The following GHR variants were observed in gnomAD, a reference collection of about 807,000 sequenced individuals.
GHR encodes GH receptor.
A neutral mutation model predicts 67.1 loss-of-function variants in GHR; 35 were observed. The ratio of observed to expected loss-of-function variants is 0.52; its 90% confidence interval spans 0.40 to 0.69. The LOEUF is 0.69. GHR is among the 30% of genes least tolerant of loss of function. The pLI, the probability that GHR is intolerant of heterozygous loss-of-function variation, is 0.00. For missense variants in GHR, 792 were observed against 764.6 expected, an observed-to-expected ratio of 1.04 and a Z score of -0.42; for synonymous variants, 272 against 269.1, an observed-to-expected ratio of 1.01 and a Z score of -0.10.
At chr5:42,607,095 C>T (rs1217143822) in intron 2 of GHR, among the ~76,000 whole-genome samples, 17 of 152,142 alleles carry the variant, frequency 1.1e-4, no homozygotes, top group Non-Finnish European at 1.5e-5. Context: ...TCCCCCTTTG[C>T]TCACTTTCCC....
At chr5:42,689,513 C>T (rs1757321193) in intron 4 of GHR, among the ~76,000 whole-genome samples, 1 of 152,076 alleles carries the variant, frequency 6.6e-6, no homozygotes, top group Non-Finnish European at 1.5e-5. Flanking sequence ...TAGGAGGCCT[C>T]TCTATTGTGG....
At chr5:42,673,002 A>G (rs1048542994) in intron 3 of GHR, among the ~76,000 whole-genome samples, 1 of 152,288 alleles carries the variant, frequency 6.6e-6, no homozygotes, top group African/African-American at 2.4e-5. Flanking sequence ...GAAAATCTTC[A>G]CAAACTGTGC....
chr5:42,646,871 C>A (rs1306173362), intron 3 of GHR, among the ~76,000 whole-genome samples: 3 of 152,144 alleles, frequency 2.0e-5, no homozygotes, highest in Non-Finnish European at 4.4e-5. Context: ...GACTGGGAAT[C>A]GTGACTTGCA....
chr5:42,633,997 CCT>C (rs1418947943), intron 3 of GHR, among the ~76,000 whole-genome samples: 1 of 152,088 alleles, frequency 6.6e-6, no homozygotes, highest in Non-Finnish European at 1.5e-5. Context: ...GCCTTTTTTT[CCT>C]CTCTCGCAAG....
rs74325290 is a variant in GHR, at chr5:42,658,595, A to T, written c.136+29492A>T. Reference sequence around the variant, plus strand: ...ATCAGAGCATCTGCAATTGAGCTTTATAAAGTGAATTATAATTCTCATACC... The same window carrying T: ...ATCAGAGCATCTGCAATTGAGCTTTTTAAAGTGAATTATAATTCTCATACC... On this transcript the variant is annotated intron_variant, in intron 3 of 9. Transcript: ENST00000230882. 5.2e-3 allele frequency among the ~76,000 whole-genome samples: 794 copies of T among 152,332 alleles called. 3 individuals are homozygous for T. Among genetic ancestry groups the T allele is most frequent in the African/African-American group, 0.019 (771 of 41,570 alleles).
chr5:42,711,927 G>A (rs1420787420), intron 7 of GHR, among the ~76,000 whole-genome samples: 2 of 152,040 alleles, frequency 1.3e-5, no homozygotes, highest in African/African-American at 2.4e-5. Context: ...AGGAGACGTG[G>A]AACATTTGAA....
chr5:42,591,244 G>A (rs1254527439), intron 2 of GHR, among the ~76,000 whole-genome samples: 1 of 152,208 alleles, frequency 6.6e-6, no homozygotes, highest in African/African-American at 2.4e-5. Context: ...ATAATGCCCA[G>A]AAATGGGGCA....
At chr5:42,467,582 A>G (rs1744790907) in intron 1 of GHR, 3 of 1,585,774 alleles carry the variant, frequency 1.9e-6, no homozygotes, top group Non-Finnish European at 2.6e-6. Flanking sequence ...TTTTTTTGAT[A>G]TACAGTCAGA....
chr5:42,518,600 C>A (rs562810240), intron 1 of GHR, among the ~76,000 whole-genome samples: 4 of 152,204 alleles, frequency 2.6e-5, no homozygotes, highest in Non-Finnish European at 4.4e-5. Context: ...AGTGCCCAAC[C>A]TCTCTGTTCA....
chr5:42,488,425 C>T (rs375787178), intron 1 of GHR, among the ~76,000 whole-genome samples: 5 of 152,142 alleles, frequency 3.3e-5, no homozygotes, highest in South Asian at 4.1e-4. Flanking sequence ...CTATGCTATG[C>T]GCACAATTAC....
intron 1 of GHR, among the ~76,000 whole-genome samples, chr5:42,428,940 T>G (rs980953071): frequency 1.3e-5 from 2 of 152,208 alleles, no homozygotes; most frequent in African/African-American, 4.8e-5. Flanking sequence ...TCCTGTCTTC[T>G]TTTGAGCCCT....
intron 1 of GHR, among the ~76,000 whole-genome samples, chr5:42,506,229 T>A (rs956213399): frequency 2.6e-5 from 4 of 152,242 alleles, no homozygotes; most frequent in Non-Finnish European, 4.4e-5. Flanking sequence ...TAGTATTATG[T>A]AGTTAATAAA....
Position 42,464,667 on chromosome 5 carries a change from G to A in GHR, c.-12+40712G>A, listed in dbSNP as rs577933734. Among the ~76,000 whole-genome samples, 3 of 152,212 alleles carry A rather than the reference G, an allele frequency of 2.0e-5. No homozygotes were observed. In the South Asian group the frequency reaches 6.2e-4, roughly 32 times the overall value. On this transcript the variant is annotated intron_variant, in intron 1 of 9. Transcript: ENST00000230882. ...GCCATGTTATCTTAGTTTTGTTAAG[G>A]GTATAAAGAGATTGAAGAGAGTTTA...
intron 1 of GHR, among the ~76,000 whole-genome samples, chr5:42,559,901 A>G (rs1749509089): frequency 6.6e-6 from 1 of 152,224 alleles, no homozygotes; most frequent in Non-Finnish European, 1.5e-5. Context: ...CAGCAGTTTT[A>G]AATGCCCTTT....
chr5:42,666,194 TA>T (rs1320456857), intron 3 of GHR, among the ~76,000 whole-genome samples: 1 of 151,968 alleles, frequency 6.6e-6, no homozygotes, highest in African/African-American at 2.4e-5. Context: ...TCTACTATCT[TA>T]ACTATCACTT....
intron 1 of GHR, chr5:42,565,352 G>C (rs1561126428): frequency 1.9e-6 from 1 of 540,142 alleles, no homozygotes. Context: ...ACCTCTTTAG[G>C]ATGGCTCATT....
chr5:42,696,688 T>C (rs1757689649), intron 5 of GHR, among the ~76,000 whole-genome samples: 1 of 152,178 alleles, frequency 6.6e-6, no homozygotes, highest in African/African-American at 2.4e-5. Flanking sequence ...AAAAGGAATT[T>C]GGACTTTAAC....
intron 1 of GHR, among the ~76,000 whole-genome samples, chr5:42,522,664 T>C (rs1472703901): frequency 2.0e-5 from 3 of 152,216 alleles, no homozygotes; most frequent in Non-Finnish European, 4.4e-5. Context: ...CTCATCACTG[T>C]TCTCTGCTTC....
chr5:42,447,917 A>G (rs1196887341), intron 1 of GHR, among the ~76,000 whole-genome samples: 2 of 151,798 alleles, frequency 1.3e-5, no homozygotes, highest in Non-Finnish European at 2.9e-5. Flanking sequence ...GCCCACAACC[A>G]TGCCTAGCTA....
Sources: gnomAD v4.1 joint callset for allele counts (sites outside exome capture counted in the v4.1 genomes callset) on GRCh38, gnomAD v4.1.1 for gene constraint, MANE v1.5 for transcripts, NCBI Gene and HGNC (gene_info 2026-07-23, HGNC 2026-07-21) for gene names.